The following TMEM41B variants were observed in gnomAD, a reference collection of about 807,000 sequenced individuals.
TMEM41B encodes the protein transmembrane protein 41B.
TMEM41B carries 18 observed loss-of-function variants against 31.9 expected under a neutral mutation model. That is an observed-to-expected ratio of 0.56 (90% CI 0.39 to 0.84). The LOEUF (loss-of-function observed/expected upper bound fraction) is 0.84. TMEM41B is among the 40% of genes least tolerant of loss of function. The pLI is 0.00. For synonymous variants in TMEM41B, 144 were observed against 124.3 expected, an observed-to-expected ratio of 1.16 and a Z score of -1.05; for missense variants, 322 against 348.0, an observed-to-expected ratio of 0.93 and a Z score of 0.59.
intron 2 of TMEM41B, among the ~76,000 whole-genome samples, chr11:9,295,633 C>A (rs556287941): frequency 6.6e-6 from 1 of 152,046 alleles, no homozygotes; most frequent in Non-Finnish European, 1.5e-5. Flanking sequence ...CTCCCAGGTA[C>A]AAACGATTCT....
At chr11:9,314,119 A>G (rs1388157257) in intron 1 of TMEM41B, among the ~76,000 whole-genome samples, 1 of 152,132 alleles carries the variant, frequency 6.6e-6, no homozygotes, top group Non-Finnish European at 1.5e-5. Flanking sequence ...CTCAAACAGC[A>G]TTTACAACGC....
chr11:9,303,926 C>G (rs954271241), intron 1 of TMEM41B, among the ~76,000 whole-genome samples: 3 of 152,108 alleles, frequency 2.0e-5, no homozygotes, highest in Non-Finnish European at 4.4e-5. Flanking sequence ...CTTTGGCCTC[C>G]CAAAGTGTTA....
At chr11:9,309,360 C>A (rs1253260064) in intron 1 of TMEM41B, among the ~76,000 whole-genome samples, 1 of 151,872 alleles carries the variant, frequency 6.6e-6, no homozygotes, top group Non-Finnish European at 1.5e-5. Flanking sequence ...CCAATAAGCT[C>A]CCTTTCAGCA....
intron 5 of TMEM41B, among the ~76,000 whole-genome samples, chr11:9,287,473 G>T (rs1421217532): frequency 2.6e-5 from 4 of 152,110 alleles, no homozygotes; most frequent in African/African-American, 7.2e-5. Flanking sequence ...CTAAGATAAA[G>T]AATTAAAATT....
intron 3 of TMEM41B, among the ~76,000 whole-genome samples, chr11:9,290,407 T>C (rs1852929235): frequency 6.6e-6 from 1 of 152,094 alleles, no homozygotes; most frequent in African/African-American, 2.4e-5. Context: ...CATCATATTA[T>C]GGATAGTTTC....
chr11:9,307,873 G>A (rs1159667130), intron 1 of TMEM41B, among the ~76,000 whole-genome samples: 1 of 152,068 alleles, frequency 6.6e-6, no homozygotes, highest in Non-Finnish European at 1.5e-5. Flanking sequence ...AGCCTCCCAA[G>A]TAGCTGGGAC....
In TMEM41B at chr11:9,281,753, G is replaced by A. The variant is rs1196469147; in HGVS notation, c.*1671C>T. On this transcript the variant is annotated 3_prime_UTR_variant, in exon 7 of 7. Coordinates refer to ENST00000528080, the MANE Select transcript of TMEM41B (RefSeq NM_015012.4). ...AATTTTACTTTGTGAGTTAGATAAA[G>A]TAAAGACTAAATTGGGAAACTGCAA... 1 of 151,560 alleles carries A rather than the reference G, an allele frequency of 6.6e-6. No homozygotes were observed. Among genetic ancestry groups the A allele is most frequent in the Non-Finnish European group, 1.5e-5 (1 of 68,002 alleles). The allele number at this position is 151,560 out of a possible 1,614,324, so 9.4% of individuals were successfully genotyped here.
rs1852715995 is a variant in TMEM41B, at chr11:9,281,400, T to C, written c.*2024A>G. The C allele has an allele frequency of 2.0e-5, 3 of 152,286 alleles. No individual in the cohort carries two copies. In the South Asian group the frequency reaches 6.2e-4, roughly 32 times the overall value. 9.4% of individuals were successfully genotyped at this position (152,286 alleles called of 1,614,324 possible). A position where few individuals can be genotyped will look rare whatever the true frequency, so the allele number is the denominator to read the frequency against. On this transcript the variant is annotated 3_prime_UTR_variant, in exon 7 of 7. Coordinates refer to ENST00000528080, the MANE Select transcript of TMEM41B (RefSeq NM_015012.4). ...AGGTGACATAAGAATACTACAATAA[T>C]CAATATGTTTTCTTTGTATTTACAA...
chr11:9,299,927 C>G (rs1193815304), intron 1 of TMEM41B, among the ~76,000 whole-genome samples: 2 of 152,072 alleles, frequency 1.3e-5, no homozygotes, highest in Admixed American at 6.6e-5. Context: ...CGAGACCAAC[C>G]TCACCAACAT....
intron 1 of TMEM41B, chr11:9,311,232 G>A (rs1853553691): frequency 6.8e-7 from 1 of 1,478,888 alleles, no homozygotes; most frequent in Non-Finnish European, 9.1e-7. Context: ...AAGCTTGATA[G>A]GAGAGCAGAA....
intron 1 of TMEM41B, among the ~76,000 whole-genome samples, chr11:9,310,391 CA>C (rs34678272): frequency 9.3e-5 from 14 of 150,390 alleles, no homozygotes; most frequent in African/African-American, 3.2e-4. Context: ...AAAGATTAAA[CA>C]AAAAAAAACC....
At chr11:9,286,117 G>A (rs2133609684) in intron 6 of TMEM41B, among the ~76,000 whole-genome samples, 1 of 152,188 alleles carries the variant, frequency 6.6e-6, no homozygotes, top group Non-Finnish European at 1.5e-5. Context: ...TCAGGGAAGA[G>A]GAAGGGGAAG....
intron 3 of TMEM41B, among the ~76,000 whole-genome samples, chr11:9,289,708 C>T (rs1006189083): frequency 6.6e-6 from 1 of 152,198 alleles, no homozygotes; most frequent in Non-Finnish European, 1.5e-5. Context: ...TTGAAACTTC[C>T]TCACAGCCAA....
intron 1 of TMEM41B, among the ~76,000 whole-genome samples, chr11:9,303,825 G>T (rs1853316096): frequency 6.6e-6 from 1 of 151,454 alleles, no homozygotes; most frequent in African/African-American, 2.4e-5. Context: ...ACGCCACGAG[G>T]ATCAACTAAT....
At chr11:9,285,899 G>C (rs1021216867) in intron 6 of TMEM41B, among the ~76,000 whole-genome samples, 1 of 151,838 alleles carries the variant, frequency 6.6e-6, no homozygotes, top group African/African-American at 2.4e-5. Context: ...GGTGGACCAT[G>C]AGGACAGGAA....
At chr11:9,287,940 T>G in intron 4 of TMEM41B, 134 bp from the exon 5 acceptor site, 1 of 688,050 alleles carries the variant, frequency 1.5e-6, no homozygotes, top group Non-Finnish European at 2.5e-6. Flanking sequence ...ACATCTCTTG[T>G]GCAGAGATGA....
chr11:9,292,069 T>C (rs1425296687), intron 3 of TMEM41B, among the ~76,000 whole-genome samples: 2 of 152,204 alleles, frequency 1.3e-5, no homozygotes, highest in Non-Finnish European at 2.9e-5. Context: ...CTATAATTCC[T>C]TATTGTCCTA....
intron 1 of TMEM41B, among the ~76,000 whole-genome samples, chr11:9,300,342 G>A (rs991412850): frequency 1.3e-5 from 2 of 152,148 alleles, no homozygotes; most frequent in Non-Finnish European, 2.9e-5. Context: ...TTTCTATACT[G>A]GGAGCCAACA....
At chr11:9,289,716 CAAT>C (rs772911753) in intron 3 of TMEM41B, among the ~76,000 whole-genome samples, 19 of 152,280 alleles carry the variant, frequency 1.2e-4, no homozygotes, top group Middle Eastern at 3.4e-3. Flanking sequence ...TCCTCACAGC[CAAT>C]AATAACTTTT....
Sources: allele counts gnomAD v4.1 joint callset (sites outside exome capture counted in the v4.1 genomes callset), GRCh38; gene constraint gnomAD v4.1.1; transcripts MANE v1.5; gene names NCBI Gene and HGNC (gene_info 2026-07-23, HGNC 2026-07-21).